The following SCAPER variants were observed in gnomAD, a reference collection of about 807,000 sequenced individuals.
SCAPER encodes the protein S phase cyclin A-associated protein in the endoplasmic reticulum.
SCAPER carries 98 observed loss-of-function variants against 182.2 expected under a neutral mutation model. The ratio of observed to expected loss-of-function variants is 0.54; its 90% CI spans 0.46 to 0.64. The LOEUF is 0.64. SCAPER is among the 30% of genes least tolerant of loss of function. SCAPER has a pLI of 0.00. For missense variants in SCAPER, 1,432 were observed against 1,690.0 expected, an observed-to-expected ratio of 0.85 and a Z score of 2.68; for synonymous variants, 605 against 564.6, an observed-to-expected ratio of 1.07 and a Z score of -1.01.
In SCAPER at chr15:76,820,225, C is replaced by A. The variant is rs539160963; in HGVS notation, c.394-15592G>T. On this transcript the variant is annotated intron_variant, in intron 5 of 31. Coordinates refer to ENST00000563290, the MANE Select transcript of SCAPER (RefSeq NM_020843.4). ...AACTAGAAATACCATTTGACCCAGC[C>A]ATCCCATTACTGGGTATATACCCAA... Among the ~76,000 whole-genome samples the A allele has an allele frequency of 2.8e-3, 426 of 152,160 alleles. 1 individual carries two copies. The highest frequency in any genetic ancestry group is 9.9e-3 in the African/African-American group (410 of 41,518).
intron 1 of SCAPER, among the ~76,000 whole-genome samples, chr15:76,894,997 A>G (rs1015583902): frequency 2.0e-5 from 3 of 152,202 alleles, no homozygotes; most frequent in Admixed American, 6.5e-5. Flanking sequence ...ACTCTTCCCA[A>G]AAACTGAAGA....
chr15:76,500,447 C>T (rs1162865702), intron 24 of SCAPER, among the ~76,000 whole-genome samples: 1 of 152,166 alleles, frequency 6.6e-6, no homozygotes, highest in Non-Finnish European at 1.5e-5. Context: ...AAGAGGTTTG[C>T]TGGTTGCCTT....
chr15:76,854,579 T>C (rs2071130830), intron 4 of SCAPER, among the ~76,000 whole-genome samples: 1 of 151,898 alleles, frequency 6.6e-6, no homozygotes, highest in East Asian at 1.9e-4. Flanking sequence ...AAACTACCAA[T>C]GACATTCTTC....
chr15:76,479,518 A>G (rs2050930559), intron 24 of SCAPER, among the ~76,000 whole-genome samples: 1 of 152,200 alleles, frequency 6.6e-6, no homozygotes, highest in South Asian at 2.1e-4. Flanking sequence ...TTGTGTCAGT[A>G]AGTCTTTTCA....
intron 14 of SCAPER, 46 bp downstream of exon 14, chr15:76,764,915 C>T: frequency 8.8e-7 from 1 of 1,132,692 alleles, no homozygotes; most frequent in South Asian, 1.5e-5. Flanking sequence ...GAAAATAAGC[C>T]CAGCAACTTC....
chr15:76,614,753 A>G (rs1310981999), intron 22 of SCAPER, among the ~76,000 whole-genome samples: 1 of 152,238 alleles, frequency 6.6e-6, no homozygotes, highest in African/African-American at 2.4e-5. Flanking sequence ...TTTCCTTCAG[A>G]AAGAATAATA....
chr15:76,518,501 T>C (rs1163555543), intron 23 of SCAPER, among the ~76,000 whole-genome samples: 1 of 152,140 alleles, frequency 6.6e-6, no homozygotes, highest in Non-Finnish European at 1.5e-5. Context: ...CTTAATTTAG[T>C]CTAAAGGAAA....
chr15:76,769,873 T>TA (rs1213290152), intron 10 of SCAPER, among the ~76,000 whole-genome samples: 9 of 152,158 alleles, frequency 5.9e-5, no homozygotes, highest in African/African-American at 1.9e-4. Flanking sequence ...CAAAGGATTA[T>TA]AAATCATTCT....
At position 76,356,293 on chromosome 15, in the gene SCAPER, C is replaced by T. The variant is rs149637952; in HGVS notation, c.3856-2153G>A. ...TTGGACTAAGCACTACCCTTTGGGGCAGGGGGCAGGGCTGGAAATGCAAAC... is the reference window on the plus strand; with the variant it reads ...TTGGACTAAGCACTACCCTTTGGGGTAGGGGGCAGGGCTGGAAATGCAAAC... On this transcript the variant is annotated intron_variant, in intron 29 of 31. Transcript: ENST00000563290. Among the ~76,000 whole-genome samples, 875 of 152,196 alleles carry T rather than the reference C, an allele frequency of 5.7e-3. 16 individuals are homozygous for T. Among genetic ancestry groups the T allele is most frequent in the African/African-American group, 0.019 (800 of 41,528 alleles).
chr15:76,510,493 A>C (rs1421534546), intron 23 of SCAPER, among the ~76,000 whole-genome samples: 1 of 152,230 alleles, frequency 6.6e-6, no homozygotes. Flanking sequence ...CATATGAAAA[A>C]ATGTTCAACA....
rs1196227200 is a variant in SCAPER, at chr15:76,778,176, AATC to A, written c.773-3062_773-3060del. ...AATTATCCTTCTCATGAATTTTCTG[AATC>A]ATCTTTCATAGTAATGCAAAATTGT... On this transcript the variant is annotated intron_variant, in intron 8 of 31. Coordinates refer to ENST00000563290, the MANE Select transcript of SCAPER (RefSeq NM_020843.4). 4.6e-5 allele frequency among the ~76,000 whole-genome samples: 7 copies of A among 152,294 alleles called. No homozygotes were observed. In the East Asian group the frequency reaches 1.3e-3, roughly 29 times the overall value.
At chr15:76,642,548 T>G (rs1417272049) in intron 21 of SCAPER, among the ~76,000 whole-genome samples, 2 of 152,218 alleles carry the variant, frequency 1.3e-5, no homozygotes, top group African/African-American at 4.8e-5. Flanking sequence ...ATATAAGCTT[T>G]TATCACTTCA....
chr15:76,733,249 C>T lies in SCAPER; in HGVS notation c.2002G>A (p.Ala668Thr), dbSNP rs777983692. ...ERQRRQEEKQ[A>T]RDEAVQERKR... ...CCTACCTGCACAGCTTCATCACGTG[C>T]TTGCTTTTCTTCCTGTCTTCTCTGA... The change falls in exon 16 of 32, where the codon GCA (alanine) becomes ACA (threonine). Residue 668 changes from alanine (A) to threonine (T), a missense_variant. Ala to Thr is a moderately conservative substitution (Grantham distance 58). This residue lies in a region of SCAPER where 88 missense variants were observed against 184.2 expected (regional missense o/e 0.48). Coordinates refer to ENST00000563290, the MANE Select transcript of SCAPER (RefSeq NM_020843.4). 6.3e-7 allele frequency: 1 copy of T among 1,583,590 alleles called. No homozygotes were observed. The highest frequency in any genetic ancestry group is 1.2e-5 in the South Asian group (1 of 86,920).
intron 6 of SCAPER, among the ~76,000 whole-genome samples, chr15:76,804,237 T>C (rs1389028977): frequency 6.6e-6 from 1 of 152,224 alleles, no homozygotes; most frequent in Non-Finnish European, 1.5e-5. Flanking sequence ...AGAACCGTAA[T>C]AGTTTTTTGT....
At chr15:76,420,919 A>C (rs1271920520) in intron 26 of SCAPER, among the ~76,000 whole-genome samples, 2 of 152,020 alleles carry the variant, frequency 1.3e-5, no homozygotes, top group Non-Finnish European at 2.9e-5. Context: ...TGGTTTCTAG[A>C]TTCATCCATG....
intron 16 of SCAPER, among the ~76,000 whole-genome samples, chr15:76,729,029 G>A (rs944805501): frequency 6.6e-6 from 1 of 152,056 alleles, no homozygotes; most frequent in Non-Finnish European, 1.5e-5. Flanking sequence ...CTGCCAGCGA[G>A]GCTAGAATAT....
intron 5 of SCAPER, among the ~76,000 whole-genome samples, chr15:76,815,009 A>C (rs1278834734): frequency 6.6e-6 from 1 of 151,496 alleles, no homozygotes; most frequent in Non-Finnish European, 1.5e-5. Flanking sequence ...GCATAAGAAA[A>C]AGTGCTCAAC....
intron 26 of SCAPER, among the ~76,000 whole-genome samples, chr15:76,407,126 A>C (rs2044906566): frequency 6.6e-6 from 1 of 152,208 alleles, no homozygotes; most frequent in South Asian, 2.1e-4. Flanking sequence ...CATTCTGAGA[A>C]CTGCATCATT....
At chr15:76,793,271 A>C in intron 8 of SCAPER, 1 of 934,878 alleles carries the variant, frequency 1.1e-6, no homozygotes, top group Non-Finnish European at 1.7e-6. Flanking sequence ...CTTCATCTCA[A>C]GTCTCCTGGC....
Sources: gnomAD v4.1 joint callset for allele counts (sites outside exome capture counted in the v4.1 genomes callset) on GRCh38, gnomAD v4.1.1 for gene constraint, gnomAD v4.1.1 regional missense constraint, MANE v1.5 for transcripts, NCBI Gene and HGNC (gene_info 2026-07-23, HGNC 2026-07-21) for gene names.